The following DIPK1A variants were observed in gnomAD, a reference collection of about 807,000 sequenced individuals.
The protein encoded by DIPK1A is divergent protein kinase domain 1A.
DIPK1A carries 27 observed loss-of-function variants against 40.8 expected under a neutral mutation model. The ratio of observed to expected loss-of-function variants is 0.66; its 90% CI spans 0.49 to 0.91. DIPK1A has a LOEUF of 0.91. Among genes scored for constraint, DIPK1A ranks in the 40% least tolerant of loss-of-function variants. DIPK1A has a pLI of 0.00. For synonymous variants in DIPK1A, 166 were observed against 171.3 expected, an observed-to-expected ratio of 0.97 and a Z score of 0.24; for missense variants, 412 against 505.7, an observed-to-expected ratio of 0.81 and a Z score of 1.78.
chr1:92,926,615 T>C (rs1045819153), intron 1 of DIPK1A, among the ~76,000 whole-genome samples: 3 of 152,208 alleles, frequency 2.0e-5, no homozygotes, highest in Non-Finnish European at 4.4e-5. Context: ...GATATGAAAA[T>C]CTCCAAGTAT....
At chr1:92,947,116 T>C (rs950980036) in intron 1 of DIPK1A, among the ~76,000 whole-genome samples, 41 of 152,264 alleles carry the variant, frequency 2.7e-4, no homozygotes, top group Non-Finnish European at 2.1e-4. Context: ...TACTCATCTA[T>C]TATATGTATA....
chr1:92,887,240 G>C (rs1432221585), intron 1 of DIPK1A, among the ~76,000 whole-genome samples: 1 of 125,472 alleles, frequency 8.0e-6, no homozygotes, highest in Non-Finnish European at 1.6e-5. Flanking sequence ...AACATAGGAA[G>C]ACCCCATCTC....
chr1:92,845,110 A>C (rs375930863), intron 4 of DIPK1A, among the ~76,000 whole-genome samples: 3 of 151,200 alleles, frequency 2.0e-5, no homozygotes, highest in Non-Finnish European at 3.0e-5. Flanking sequence ...ACGCCCAGCT[A>C]ATTTTTTTTT....
At chr1:92,943,543 T>C (rs906362797) in intron 1 of DIPK1A, among the ~76,000 whole-genome samples, 2 of 151,320 alleles carry the variant, frequency 1.3e-5, no homozygotes, top group Non-Finnish European at 2.9e-5. Context: ...ACAGAGATCA[T>C]AGGCAGCCTA....
chr1:92,844,121 A>G lies in DIPK1A; in HGVS notation c.549T>C (p.Asp183=). Residue 183 remains aspartate (D), a synonymous_variant, in exon 5 of 5, where the codon GAT becomes GAC. Coordinates refer to ENST00000370310, the MANE Select transcript of DIPK1A (RefSeq NM_001006605.5). ...LILTVADGDK[D]GQVSLGEAKS... The stretch of plus-strand genomic sequence containing the variant: ...TTGCTTCTCCCAAGGAAACCTGGCC[A>G]TCTTTGTCTCCATCAGCCACCGTCA... 6.4e-7 allele frequency: 1 copy of G among 1,551,758 alleles called. No homozygotes were observed. Among genetic ancestry groups the G allele is most frequent in the African/African-American group, 1.4e-5 (1 of 73,152 alleles).
intron 1 of DIPK1A, among the ~76,000 whole-genome samples, chr1:92,895,797 T>G (rs12088474): frequency 0.019 from 2,853 of 152,172 alleles, 138 homozygotes; most frequent in African/African-American, 0.065. Context: ...ATAAGCAACT[T>G]CAGCAAAGTC....
At chr1:92,865,905 A>G (rs1647513211) in intron 2 of DIPK1A, among the ~76,000 whole-genome samples, 1 of 152,234 alleles carries the variant, frequency 6.6e-6, no homozygotes, top group South Asian at 2.1e-4. Flanking sequence ...TACGAAATGC[A>G]TATATAATTT....
At chr1:92,922,790 GAAACAAAA>G (rs1650321404) in intron 1 of DIPK1A, among the ~76,000 whole-genome samples, 2 of 152,198 alleles carry the variant, frequency 1.3e-5, no homozygotes, top group Non-Finnish European at 2.9e-5. Flanking sequence ...CTTCGAGAAT[GAAACAAAA>G]TGCAGCCAGT....
intron 1 of DIPK1A, among the ~76,000 whole-genome samples, chr1:92,955,105 C>T (rs1270521601): frequency 1.3e-5 from 2 of 152,156 alleles, no homozygotes; most frequent in Non-Finnish European, 1.5e-5. Flanking sequence ...TAAAATACTA[C>T]GTGATTCCAA....
At chr1:92,850,999 A>G (rs1687800227) in intron 2 of DIPK1A, 44 bp from the exon 3 acceptor site, 1 of 1,244,872 alleles carries the variant, frequency 8.0e-7, no homozygotes, top group African/African-American at 1.5e-5. Context: ...AAAAATATTC[A>G]CAAGAAGAAG....
In DIPK1A at chr1:92,843,431, G is replaced by A. The variant is rs1403734683; in HGVS notation, c.1239C>T (p.Asn413=). 1 of 1,550,108 alleles carries A rather than the reference G, an allele frequency of 6.5e-7. No homozygotes were observed. Among genetic ancestry groups the A allele is most frequent in the East Asian group, 2.4e-5 (1 of 40,904 alleles). The change falls in exon 5 of 5, where the codon AAC becomes AAT. Residue 413 remains asparagine, a synonymous_variant. Transcript: ENST00000370310. ...TTTTCTTCCACAATAATGTTTTTAG[G>A]TTATTTAGTATCAAAGAATGTTCCA... is the stretch of plus-strand genomic sequence containing the variant. ...MEMEHSLILN[N]LKTLLWKKIS...
intron 2 of DIPK1A, among the ~76,000 whole-genome samples, chr1:92,859,451 C>T (rs978642759): frequency 5.9e-5 from 9 of 152,126 alleles, no homozygotes; most frequent in Admixed American, 1.3e-4. Context: ...TTCCTTCCTT[C>T]GGTTATAATA....
intron 1 of DIPK1A, among the ~76,000 whole-genome samples, chr1:92,949,494 C>T (rs1651542873): frequency 1.3e-5 from 2 of 152,060 alleles, no homozygotes; most frequent in Non-Finnish European, 1.5e-5. Flanking sequence ...CCAGGTTGGT[C>T]TCGAACTTCT....
chr1:92,960,261 G>A (rs967958613), intron 1 of DIPK1A, among the ~76,000 whole-genome samples: 1 of 151,972 alleles, frequency 6.6e-6, no homozygotes, highest in Admixed American at 6.6e-5. Flanking sequence ...TCATTTCAGG[G>A]TAATGACTTA....
intron 1 of DIPK1A, among the ~76,000 whole-genome samples, chr1:92,906,013 T>G (rs1370881265): frequency 6.6e-6 from 1 of 152,188 alleles, no homozygotes; most frequent in Admixed American, 6.6e-5. Context: ...CCATGCTGTT[T>G]TGGTTATAAT....
intron 1 of DIPK1A, among the ~76,000 whole-genome samples, chr1:92,936,551 C>T (rs1225255669): frequency 1.3e-5 from 2 of 151,592 alleles, no homozygotes; most frequent in African/African-American, 4.9e-5. Context: ...ATTGCTTGAA[C>T]CCGGGACGCT....
chr1:92,845,498 G>A, intron 4 of DIPK1A: 1 of 349,158 alleles, frequency 2.9e-6, no homozygotes, highest in Non-Finnish European at 5.3e-6. Context: ...GTGAAACCGT[G>A]TCTATGCTAG....
chr1:92,954,192 G>A (rs895442363), intron 1 of DIPK1A, among the ~76,000 whole-genome samples: 3 of 151,896 alleles, frequency 2.0e-5, no homozygotes, highest in Non-Finnish European at 4.4e-5. Flanking sequence ...GCCAGACATA[G>A]TAGCTCATAC....
intron 2 of DIPK1A, among the ~76,000 whole-genome samples, chr1:92,863,577 A>AAG (rs1411105174): frequency 6.6e-6 from 1 of 150,918 alleles, no homozygotes; most frequent in Non-Finnish European, 1.5e-5. Context: ...CTACCAAAAA[A>AAG]AAAAAAAAAA....
Sources: gnomAD v4.1 joint callset for allele counts (sites outside exome capture counted in the v4.1 genomes callset) on GRCh38, gnomAD v4.1.1 for gene constraint, MANE v1.5 for transcripts, NCBI Gene and HGNC (gene_info 2026-07-23, HGNC 2026-07-21) for gene names.